The following GRIK1 variants were observed in gnomAD, a reference collection of about 807,000 sequenced individuals.
GRIK1 encodes the protein glutamate ionotropic receptor kainate type subunit 1, also known as glutamate receptor ionotropic, kainate 1.
Under a neutral mutation model 105.7 loss-of-function variants are expected in GRIK1, and 69 were observed. The ratio of observed to expected loss-of-function variants is 0.65; its 90% CI spans 0.54 to 0.80. The LOEUF (loss-of-function observed/expected upper bound fraction) is 0.80. GRIK1 is among the 30% of genes least tolerant of loss of function. The pLI, the probability that GRIK1 is intolerant of heterozygous loss-of-function variation, is 0.00. For synonymous variants in GRIK1, 438 were observed against 431.3 expected (o/e 1.02, Z -0.19); for missense variants, 1,109 against 1,167.3 (o/e 0.95, Z 0.73).
At chr21:29,820,265 A>T (rs1471704808) in intron 1 of GRIK1, among the ~76,000 whole-genome samples, 1 of 151,894 alleles carries the variant, frequency 6.6e-6, no homozygotes, top group Non-Finnish European at 1.5e-5. Flanking sequence ...TTAGATTTTC[A>T]CCCTCATCAT....
chr21:29,556,227 C>T (rs1223930779), intron 15 of GRIK1, among the ~76,000 whole-genome samples: 1 of 152,190 alleles, frequency 6.6e-6, no homozygotes, highest in Non-Finnish European at 1.5e-5. Context: ...GTGTCAGGAT[C>T]ATCTTCATAA....
At chr21:29,761,638 G>T (rs1446757594) in intron 1 of GRIK1, among the ~76,000 whole-genome samples, 1 of 152,036 alleles carries the variant, frequency 6.6e-6, no homozygotes, top group South Asian at 2.1e-4. Flanking sequence ...TTTTAAATCA[G>T]ATTCTATTTA....
chr21:29,840,287 A>G (rs1432019514), intron 1 of GRIK1, among the ~76,000 whole-genome samples: 1 of 152,200 alleles, frequency 6.6e-6, no homozygotes, highest in Non-Finnish European at 1.5e-5. Context: ...AGGAAAGGGG[A>G]TCTGAAGTCT....
intron 1 of GRIK1, among the ~76,000 whole-genome samples, chr21:29,726,509 C>T (rs2064466596): frequency 1.3e-5 from 2 of 152,122 alleles, no homozygotes; most frequent in Middle Eastern, 3.4e-3. Flanking sequence ...ACTTAAAATC[C>T]CCTATAATTC....
At chr21:29,723,046 G>A (rs1156245733) in intron 1 of GRIK1, among the ~76,000 whole-genome samples, 1 of 152,102 alleles carries the variant, frequency 6.6e-6, no homozygotes, top group Non-Finnish European at 1.5e-5. Flanking sequence ...GTCCAACACA[G>A]TAGCTGACAT....
Position 29,745,977 on chromosome 21 carries a change from G to A in GRIK1, c.119-51914C>T, listed in dbSNP as rs143936973. The stretch of plus-strand genomic sequence containing the variant: ...AAATTAGCCAGGTGTGGTGGCGGGC[G>A]CCTGTAGTCCCAGCTACTCGGGAGG... On this transcript the variant is annotated intron_variant, in intron 1 of 17. Coordinates refer to ENST00000327783, the MANE Select transcript of GRIK1 (RefSeq NM_001330994.2). Among the ~76,000 whole-genome samples, 466 of 152,164 alleles carry A rather than the reference G, an allele frequency of 3.1e-3. 2 individuals are homozygous for A. Among genetic ancestry groups the A allele is most frequent in the Non-Finnish European group, 3.7e-3 (255 of 68,002 alleles).
At chr21:29,896,279 A>G (rs147081487) in intron 1 of GRIK1, among the ~76,000 whole-genome samples, 16 of 152,240 alleles carry the variant, frequency 1.1e-4, no homozygotes, top group Middle Eastern at 3.4e-3. Flanking sequence ...TAAAAACTCA[A>G]TTTCTCGTGA....
At chr21:29,699,652 CTT>C (rs769136639) in intron 1 of GRIK1, among the ~76,000 whole-genome samples, 15 of 144,316 alleles carry the variant, frequency 1.0e-4, no homozygotes, top group East Asian at 2.0e-4. Context: ...TTATCAGCAT[CTT>C]TTTTTTTTTT....
chr21:29,598,215 A>C (rs59290635), intron 8 of GRIK1, among the ~76,000 whole-genome samples: 1,897 of 152,326 alleles, frequency 0.012, 45 homozygotes, highest in African/African-American at 0.043. Context: ...TTTACATTGG[A>C]ATTACTCTAA....
intron 16 of GRIK1, among the ~76,000 whole-genome samples, chr21:29,539,257 G>C (rs901557160): frequency 2.0e-5 from 3 of 152,154 alleles, no homozygotes; most frequent in Admixed American, 2.0e-4. Context: ...CACAATGTAT[G>C]CTGAAGATAT....
intron 4 of GRIK1, among the ~76,000 whole-genome samples, chr21:29,671,681 G>A (rs922654127): frequency 2.0e-5 from 3 of 152,084 alleles, no homozygotes; most frequent in Non-Finnish European, 4.4e-5. Flanking sequence ...CAACAACATA[G>A]CAACCCCAGA....
intron 13 of GRIK1, among the ~76,000 whole-genome samples, chr21:29,580,170 T>C (rs1363490302): frequency 1.3e-5 from 2 of 148,206 alleles, no homozygotes; most frequent in Non-Finnish European, 3.0e-5. Flanking sequence ...CATATATATA[T>C]ATATGTATAT....
chr21:29,828,005 C>T (rs1013290712), intron 1 of GRIK1, among the ~76,000 whole-genome samples: 33 of 75,452 alleles, frequency 4.4e-4, no homozygotes, highest in African/African-American at 1.1e-3. Context: ...CTCTCTCTGT[C>T]TCTCTCTGTG....
intron 15 of GRIK1, among the ~76,000 whole-genome samples, chr21:29,556,309 C>T (rs1352486311): frequency 1.3e-5 from 2 of 152,088 alleles, no homozygotes; most frequent in Non-Finnish European, 2.9e-5. Context: ...AAGCTCTTGC[C>T]CCAACCCCTC....
intron 1 of GRIK1, among the ~76,000 whole-genome samples, chr21:29,740,849 A>C (rs2064909350): frequency 6.6e-6 from 1 of 152,194 alleles, no homozygotes; most frequent in Non-Finnish European, 1.5e-5. Flanking sequence ...CAGGGGGTTG[A>C]GAGGTTGGCC....
At position 29,939,405 on chromosome 21, in the gene GRIK1, G is replaced by A. The variant is rs1196122060; in HGVS notation, c.96C>T (p.Thr32=). ...CACCGATCCTGAGTACTTGCGGGGC[G>A]GTCTGAGGGAGGATATAGCAGAGGA... ...LYFLCYILPQ[T]APQVLRIGGI... Residue 32 remains threonine, a synonymous_variant, in exon 1 of 18, where the codon ACC becomes ACT. Transcript: ENST00000327783. 4 of 1,555,998 alleles carry A rather than the reference G, an allele frequency of 2.6e-6. No homozygotes were observed. The highest frequency in any genetic ancestry group is 1.4e-5 in the African/African-American group (1 of 73,308).
intron 1 of GRIK1, chr21:29,748,342 A>G (rs1356867411): frequency 6.6e-6 from 1 of 152,254 alleles, no homozygotes; most frequent in East Asian, 1.9e-4. Context: ...GGGTCCTGCC[A>G]TCCTTGGCAT....
intron 7 of GRIK1, among the ~76,000 whole-genome samples, chr21:29,599,683 C>T (rs1488957734): frequency 6.6e-6 from 1 of 152,170 alleles, no homozygotes; most frequent in Non-Finnish European, 1.5e-5. Context: ...CACATTTCCT[C>T]CTCCCCTGCT....
At position 29,888,199 on chromosome 21, in the gene GRIK1, C is replaced by CTTTCTTTCTTCCTT. The variant is rs1391865067; in HGVS notation, c.118+51183_118+51184insAAGGAAGAAAGAAA. The stretch of plus-strand genomic sequence containing the variant: ...TTTCTTTCTTCCTTTCTTTCTTTCT[C>CTTTCTTTCTTCCTT]TCTCTCTCTCTCTCTCTCTCTCTCT... On this transcript the variant is annotated intron_variant, in intron 1 of 17. Coordinates refer to ENST00000327783, the MANE Select transcript of GRIK1 (RefSeq NM_001330994.2). Among the ~76,000 whole-genome samples the CTTTCTTTCTTCCTT allele has an allele frequency of 8.9e-4, 14 of 15,816 alleles. 2 individuals carry two copies. Among genetic ancestry groups the CTTTCTTTCTTCCTT allele is most frequent in the East Asian group, 2.6e-3 (1 of 380 alleles). The allele number at this position is 15,816 out of a possible 152,430, so 10.4% of individuals were successfully genotyped here.
Sources: allele counts gnomAD v4.1 joint callset (sites outside exome capture counted in the v4.1 genomes callset), GRCh38; gene constraint gnomAD v4.1.1; transcripts MANE v1.5; gene names NCBI Gene and HGNC (gene_info 2026-07-23, HGNC 2026-07-21).